The following TRIM51 variants were observed in gnomAD, a reference collection of about 807,000 sequenced individuals.
The protein encoded by TRIM51 is tripartite motif-containing protein 51.
In TRIM51, 23 loss-of-function variants were observed where a neutral mutation model predicts 32.7. That is an observed-to-expected ratio of 0.70 (90% CI 0.51 to 1.00). TRIM51 has a LOEUF of 1.00. Among genes scored for constraint, TRIM51 ranks in the 50% least tolerant of loss-of-function variants. The pLI is 0.00. For synonymous variants in TRIM51, 177 were observed against 181.9 expected (o/e 0.97, Z 0.22); for missense variants, 592 against 539.2 (o/e 1.10, Z -0.97).
intron 3 of TRIM51, 39 bp from the exon 4 acceptor site, chr11:55,887,993 T>G (rs778666333): frequency 1.4e-6 from 2 of 1,423,056 alleles, no homozygotes; most frequent in Non-Finnish European, 2.0e-6. Context: ...CAAGAGAAGA[T>G]GGGTAAAACA....
chr11:55,884,182 T>TATATACAC (rs1458218535), intron 1 of TRIM51, among the ~76,000 whole-genome samples: 2 of 110,282 alleles, frequency 1.8e-5, no homozygotes, highest in African/African-American at 7.2e-5. Flanking sequence ...TATATATATA[T>TATATACAC]ACACATACCA....
At chr11:55,889,146 A>G in intron 5 of TRIM51, 145 bp downstream of exon 5, 1 of 777,560 alleles carries the variant, frequency 1.3e-6, no homozygotes, top group Non-Finnish European at 2.2e-6. Context: ...CCATGTAGTC[A>G]TCTATTTTGT....
intron 1 of TRIM51, among the ~76,000 whole-genome samples, chr11:55,884,180 TATAC>T (rs1456729841): frequency 3.1e-4 from 39 of 124,106 alleles, no homozygotes; most frequent in East Asian, 2.6e-4. Context: ...TATATATATA[TATAC>T]ACATACCAAA....
Position 55,886,369 on chromosome 11 carries a change from A to G in TRIM51, c.507+151A>G, listed in dbSNP as rs1342445935. ...AGAAAAAAACACCCTAATTTTTTAT[A>G]TAAGTTAGTGTGACTCTTTGGTAGG... is the stretch of plus-strand genomic sequence containing the variant. On this transcript the variant is annotated intron_variant, in intron 3 of 6. Coordinates refer to ENST00000449290, the MANE Select transcript of TRIM51 (RefSeq NM_032681.4). The G allele has an allele frequency of 4.6e-5, 30 of 653,880 alleles. 1 individual carries two copies. The South Asian group carries it at 5.1e-4, about 11-fold the overall frequency. The allele number at this position is 653,880 out of a possible 1,614,324, so 40.5% of individuals were successfully genotyped here. A position where few individuals can be genotyped will look rare whatever the true frequency, so the allele number is the denominator to read the frequency against.
At chr11:55,885,157 G>A (rs1854559136) in intron 1 of TRIM51, among the ~76,000 whole-genome samples, 1 of 152,122 alleles carries the variant, frequency 6.6e-6, no homozygotes, top group African/African-American at 2.4e-5. Context: ...TCGACATCCA[G>A]GGAGTAGGTT....
chr11:55,891,765 A>C lies in TRIM51; in HGVS notation c.*133A>C. ...CTTTAGTTGCATTCTAATGTCATCA[A>C]AACTCATTTATAGTGTTTCTATTAA... On this transcript the variant is annotated 3_prime_UTR_variant, in exon 7 of 7. Transcript: ENST00000449290. 1.0e-6 allele frequency: 1 copy of C among 975,486 alleles called. No individual in the cohort carries two copies. The highest frequency in any genetic ancestry group is 1.6e-5 in the South Asian group (1 of 62,516). 60.4% of individuals were successfully genotyped at this position (975,486 alleles called of 1,614,324 possible).
chr11:55,884,169 A>ATATATATATATATATATAAC (rs1156887229), intron 1 of TRIM51, among the ~76,000 whole-genome samples: 1 of 119,570 alleles, frequency 8.4e-6, no homozygotes, highest in African/African-American at 3.2e-5. Flanking sequence ...ATATATATAT[A>ATATATATATATATATATAAC]TATATATATA....
Position 55,888,277 on chromosome 11 carries a change from T to G in TRIM51, c.738+15T>G. ...AGCTACTCCAGGTATGGACTGACCA[T>G]GGGGTATCATGATGTTGAACATTCA... On this transcript the variant is annotated intron_variant, in intron 4 of 6. Coordinates refer to ENST00000449290, the MANE Select transcript of TRIM51 (RefSeq NM_032681.4). 1 of 1,586,452 alleles carries G rather than the reference T, an allele frequency of 6.3e-7. No individual in the cohort carries two copies. Among genetic ancestry groups the G allele is most frequent in the South Asian group, 1.1e-5 (1 of 90,372 alleles).
rs1854557547 is a variant in TRIM51 at position 55,885,052 on chromosome 11, T to C, written c.-4-373T>C. Among the ~76,000 whole-genome samples the C allele has an allele frequency of 2.0e-5, 3 of 152,106 alleles. No individual in the cohort carries two copies. In the South Asian group the frequency reaches 6.2e-4, roughly 32 times the overall value. On this transcript the variant is annotated intron_variant, in intron 1 of 6. Transcript: ENST00000449290. ...TTGTTACCCAATGTAGGTTTTCTAC[T>C]CCTCTCCCATAGTCATTCAGTTGTT...
rs770209674 is a variant in TRIM51, at chr11:55,889,948, G to GTC, written c.772_773dup (p.Leu259CysfsTer9). On this transcript the variant is annotated frameshift_variant, in exon 6 of 7. Coordinates refer to ENST00000449290, the MANE Select transcript of TRIM51 (RefSeq NM_032681.4). LOFTEE classifies it high-confidence loss of function. ...CCTATCTTTCCCCTTGCAGGTATGA[G>GTC]TCTCTGCTGCTGCAAGTGTCTGAGC... is the stretch of plus-strand genomic sequence containing the variant. 41 of 1,612,746 alleles carry GTC rather than the reference G, an allele frequency of 2.5e-5. No homozygotes were observed. In the African/African-American group the frequency reaches 4.3e-4, roughly 17 times the overall value.
At chr11:55,889,465 G>A (rs974642892) in intron 5 of TRIM51, among the ~76,000 whole-genome samples, 25 of 152,114 alleles carry the variant, frequency 1.6e-4, no homozygotes, top group Admixed American at 3.3e-4. Flanking sequence ...AATGGATGAA[G>A]CAAACTATTC....
In TRIM51 at chr11:55,885,511, T is replaced by C; in HGVS notation, c.83T>C (p.Ile28Thr). ...CMNYFLDPVT[I>T]DCGHSFCRPC... is the part of the protein sequence containing the mutation. ...AACTACTTCCTAGACCCAGTCACCA[T>C]AGACTGTGGGCACAGCTTTTGCCGG... Residue 28 changes from isoleucine to threonine, a missense_variant, in exon 2 of 7, where the codon ATA (isoleucine) becomes ACA (threonine). Ile to Thr is a moderately conservative substitution (Grantham distance 89). Transcript: ENST00000449290. 2 of 1,612,116 alleles carry C rather than the reference T, an allele frequency of 1.2e-6. No individual in the cohort carries two copies. The highest frequency in any genetic ancestry group is 1.7e-6 in the Non-Finnish European group (2 of 1,179,750).
Position 55,889,988 on chromosome 11 carries a change from C to G in TRIM51, c.808C>G (p.Leu270Val), listed in dbSNP as rs199659514. 3.7e-6 allele frequency: 6 copies of G among 1,613,446 alleles called. No individual in the cohort carries two copies. Among genetic ancestry groups the G allele is most frequent in the Non-Finnish European group, 5.1e-6 (6 of 1,179,592 alleles). Residue 270 changes from leucine (L) to valine (V), a missense_variant, in exon 6 of 7, where the codon CTC (leucine) becomes GTC (valine). Transcript: ENST00000449290. ...AGTGTCTGAGCCTGTGAATCCAGAG[C>G]TCAGTGCAGGGCCCATCACTGGACT... is the stretch of plus-strand genomic sequence containing the variant. ...LQVSEPVNPE[L>V]SAGPITGLLD... is the part of the protein sequence containing the mutation.
In TRIM51 at chr11:55,885,778, A is replaced by T. The variant is rs932849154; in HGVS notation, c.350A>T (p.Asn117Ile). 1.3e-5 allele frequency: 21 copies of T among 1,611,610 alleles called. No homozygotes were observed. The highest frequency in any genetic ancestry group is 1.5e-5 in the Non-Finnish European group (18 of 1,179,704). The change falls in exon 2 of 7, where the codon AAC becomes ATC. Residue 117 changes from asparagine to isoleucine, a missense_variant. Physicochemically the swap from Asn to Ile is moderately radical, Grantham distance 149. Transcript: ENST00000449290. Reference sequence around the variant, plus strand: ...AGCCTGCTCTGTTTGCCGTGCTCCAACTCTCAGGAGCACCGGAATCACATA... The same window carrying T: ...AGCCTGCTCTGTTTGCCGTGCTCCATCTCTCAGGAGCACCGGAATCACATA... The part of the protein sequence containing the change: ...DKSLLCLPCS[N>I]SQEHRNHIHC...
intron 1 of TRIM51, among the ~76,000 whole-genome samples, chr11:55,884,942 G>C (rs1854555532): frequency 6.6e-6 from 1 of 151,064 alleles, no homozygotes; most frequent in Non-Finnish European, 1.5e-5. Flanking sequence ...GTTTGTTCTG[G>C]GGTTGTTTTT....
intron 1 of TRIM51, among the ~76,000 whole-genome samples, chr11:55,884,157 C>CTATAACTATATATATATATATATA (rs763667977): frequency 4.4e-4 from 27 of 61,516 alleles, no homozygotes; most frequent in African/African-American, 1.3e-3. Context: ...ATAACTATAA[C>CTATAACTATATATATATATATATA]TATATATATA....
intron 1 of TRIM51, among the ~76,000 whole-genome samples, chr11:55,884,180 T>TATATATATATATATATATATAC (rs1344857496): frequency 8.9e-5 from 11 of 124,088 alleles, no homozygotes; most frequent in African/African-American, 3.6e-4. Context: ...TATATATATA[T>TATATATATATATATATATATAC]ATACACATAC....
intron 3 of TRIM51, among the ~76,000 whole-genome samples, chr11:55,886,739 G>T (rs1188639538): frequency 6.6e-6 from 1 of 152,072 alleles, no homozygotes; most frequent in African/African-American, 2.4e-5. Context: ...GAAAAGTGGC[G>T]AGAAATGTAC....
chr11:55,885,988 C>G, intron 2 of TRIM51, 135 bp from the exon 3 acceptor site: 1 of 1,484,890 alleles, frequency 6.7e-7, no homozygotes, highest in East Asian at 2.4e-5. Context: ...TCAGATTTGA[C>G]AAACATGAGG....
Sources: gnomAD v4.1 joint callset for allele counts (sites outside exome capture counted in the v4.1 genomes callset) on GRCh38, gnomAD v4.1.1 for gene constraint, MANE v1.5 for transcripts, NCBI Gene and HGNC (gene_info 2026-07-23, HGNC 2026-07-21) for gene names.